The following SEC24B variants were observed in gnomAD, a reference collection of about 807,000 sequenced individuals.
SEC24B encodes the protein protein transport protein Sec24B.
SEC24B carries 45 observed loss-of-function variants against 142.8 expected under a neutral mutation model. That is an observed-to-expected ratio of 0.32 (90% confidence interval 0.25 to 0.40). The LOEUF is 0.40. SEC24B is among the 10% of genes least tolerant of loss of function. The probability of loss-of-function intolerance (pLI) is 1.00; values close to 1 mark genes in which losing one functional copy is unlikely to be tolerated. For synonymous variants in SEC24B, 574 were observed against 568.2 expected (o/e 1.01, Z -0.15); for missense variants, 1,409 against 1,526.8 (o/e 0.92, Z 1.29).
chr4:109,521,106 T>C lies in SEC24B; in HGVS notation c.2246-11T>C, dbSNP rs1213032660. On this transcript the variant is annotated splice_polypyrimidine_tract_variant and intron_variant, in intron 12 of 23. Coordinates refer to ENST00000265175, the MANE Select transcript of SEC24B (RefSeq NM_006323.5). ...TCGATTTGTTGATTAAAATATGTGT[T>C]TTCCCTATAGATGTTTTTCTACCTA... is the stretch of plus-strand genomic sequence containing the variant. The C allele has an allele frequency of 2.7e-6, 4 of 1,475,432 alleles. No homozygotes were observed. In the South Asian group the frequency reaches 4.7e-5, roughly 17 times the overall value. 91.4% of individuals were successfully genotyped at this position (1,475,432 alleles called of 1,614,324 possible). A position where few individuals can be genotyped will look rare whatever the true frequency, so the allele number is the denominator to read the frequency against.
intron 11 of SEC24B, among the ~76,000 whole-genome samples, chr4:109,519,180 C>A (rs917536624): frequency 6.6e-6 from 1 of 152,102 alleles, no homozygotes; most frequent in African/African-American, 2.4e-5. Flanking sequence ...CAGGTTGATG[C>A]ATGGAGTGGA....
chr4:109,539,785 A>G lies in SEC24B; in HGVS notation c.*110A>G. On this transcript the variant is annotated 3_prime_UTR_variant, in exon 24 of 24. Coordinates refer to ENST00000265175, the MANE Select transcript of SEC24B (RefSeq NM_006323.5). ...AAGGCATTTGTTAATACAAGATGCA[A>G]CGCACAGCACTCTGTCTGAGGCTTT... The G allele has an allele frequency of 1.5e-6, 1 of 676,286 alleles. No individual in the cohort carries two copies. Among genetic ancestry groups the G allele is most frequent in the South Asian group, 1.8e-5 (1 of 55,080 alleles). 41.9% of individuals were successfully genotyped at this position (676,286 alleles called of 1,614,324 possible).
At chr4:109,537,700 C>A (rs550834110) in intron 22 of SEC24B, among the ~76,000 whole-genome samples, 1 of 152,208 alleles carries the variant, frequency 6.6e-6, no homozygotes, top group African/African-American at 2.4e-5. Flanking sequence ...GAATAATATG[C>A]ATGATATGAT....
At chr4:109,507,896 C>T (rs542793204) in intron 7 of SEC24B, among the ~76,000 whole-genome samples, 7 of 152,218 alleles carry the variant, frequency 4.6e-5, no homozygotes, top group South Asian at 2.1e-4. Flanking sequence ...CCGCCCACCT[C>T]GTCCTCCCAA....
chr4:109,506,711 C>T (rs577939516), intron 7 of SEC24B, among the ~76,000 whole-genome samples, 199 bp downstream of exon 7: 1 of 152,176 alleles, frequency 6.6e-6, no homozygotes, highest in South Asian at 2.1e-4. Flanking sequence ...CAGTCCCTTC[C>T]CCCCATCACC....
At chr4:109,452,019 T>C (rs534674658) in intron 1 of SEC24B, among the ~76,000 whole-genome samples, 1 of 152,096 alleles carries the variant, frequency 6.6e-6, no homozygotes, top group East Asian at 1.9e-4. Context: ...GATAAACATA[T>C]GTAATCATGT....
In SEC24B at chr4:109,506,466, G is replaced by A. The variant is rs1421613855; in HGVS notation, c.1627G>A (p.Val543Ile). 5 of 1,602,234 alleles carry A rather than the reference G, an allele frequency of 3.1e-6. No homozygotes were observed. The highest frequency in any genetic ancestry group is 1.7e-4 in the Middle Eastern group (1 of 5,970). ...ACCTATGACTCCTGTTTGGGCTCCT[G>A]TACCTAACTTGAATGCAGACCTCAA... ...ILPMTPVWAP[V>I]PNLNADLKKL... The change falls in exon 7 of 24, where the codon GTA becomes ATA. Residue 543 changes from valine to isoleucine, a missense_variant. Coordinates refer to ENST00000265175, the MANE Select transcript of SEC24B (RefSeq NM_006323.5).
chr4:109,522,613 A>G (rs1315970153), intron 14 of SEC24B, among the ~76,000 whole-genome samples: 1 of 152,246 alleles, frequency 6.6e-6, no homozygotes, highest in African/African-American at 2.4e-5. Context: ...CATACTAATA[A>G]ACTTTTTAAT....
At chr4:109,436,064 G>GAA (rs1337682388) in intron 1 of SEC24B, among the ~76,000 whole-genome samples, 9 of 152,146 alleles carry the variant, frequency 5.9e-5, no homozygotes, top group Non-Finnish European at 1.2e-4. Context: ...TCAGGTTGCA[G>GAA]AAAGGCCTTA....
At chr4:109,478,938 G>A (rs1239677555) in intron 3 of SEC24B, among the ~76,000 whole-genome samples, 2 of 152,118 alleles carry the variant, frequency 1.3e-5, no homozygotes, top group African/African-American at 4.8e-5. Flanking sequence ...CTAGTTTCCA[G>A]TTTAGGAAAG....
intron 1 of SEC24B, among the ~76,000 whole-genome samples, chr4:109,449,880 C>CTG (rs2125905966): frequency 6.6e-6 from 1 of 152,184 alleles, no homozygotes; most frequent in East Asian, 1.9e-4. Context: ...TTTTCATGGT[C>CTG]TGTTTATTAG....
At chr4:109,526,626 T>G (rs955599590) in intron 17 of SEC24B, among the ~76,000 whole-genome samples, 73 of 152,340 alleles carry the variant, frequency 4.8e-4, no homozygotes, top group African/African-American at 1.7e-3. Context: ...TCTTAGAATC[T>G]TGTTTCAAAA....
At chr4:109,464,728 A>G (rs978992327) in intron 2 of SEC24B, among the ~76,000 whole-genome samples, 2 of 152,206 alleles carry the variant, frequency 1.3e-5, no homozygotes, top group Non-Finnish European at 2.9e-5. Context: ...GATGCTGTGG[A>G]AAGATATCCT....
intron 1 of SEC24B, among the ~76,000 whole-genome samples, chr4:109,450,129 C>A (rs35313553): frequency 0.078 from 11,824 of 152,198 alleles, 589 homozygotes; most frequent in Middle Eastern, 0.18. Context: ...GGGAGGTTCA[C>A]TTGAGCCCAG....
chr4:109,451,925 T>C (rs1231296300), intron 1 of SEC24B, among the ~76,000 whole-genome samples: 4 of 152,230 alleles, frequency 2.6e-5, no homozygotes, highest in Non-Finnish European at 4.4e-5. Context: ...CTAGGTTTTC[T>C]TGATATCCTG....
At chr4:109,494,178 A>C (rs995974247) in intron 5 of SEC24B, among the ~76,000 whole-genome samples, 1 of 151,968 alleles carries the variant, frequency 6.6e-6, no homozygotes, top group Non-Finnish European at 1.5e-5. Context: ...AGAATTACCA[A>C]CTCAAGGGGC....
intron 8 of SEC24B, among the ~76,000 whole-genome samples, chr4:109,510,368 G>T (rs1477507029): frequency 6.6e-6 from 1 of 152,160 alleles, no homozygotes; most frequent in African/African-American, 2.4e-5. Flanking sequence ...GAACAAAGAT[G>T]TAAAAATAAT....
chr4:109,446,844 A>G lies in SEC24B; in HGVS notation c.133+12842A>G, dbSNP rs140888554. 3.0e-4 allele frequency among the ~76,000 whole-genome samples: 45 copies of G among 152,358 alleles called. No homozygotes were observed. The East Asian group carries it at 8.3e-3, about 28-fold the overall frequency. Reference sequence around the variant, plus strand: ...CAGAAATACTTGATGATTATTTACTAGGCTTCATTTTATAAAAATACAGTA... The same window carrying G: ...CAGAAATACTTGATGATTATTTACTGGGCTTCATTTTATAAAAATACAGTA... On this transcript the variant is annotated intron_variant, in intron 1 of 23. Coordinates refer to ENST00000265175, the MANE Select transcript of SEC24B (RefSeq NM_006323.5).
At chr4:109,503,216 C>A (rs1240652763) in intron 6 of SEC24B, among the ~76,000 whole-genome samples, 1 of 150,876 alleles carries the variant, frequency 6.6e-6, no homozygotes, top group Admixed American at 6.6e-5. Context: ...TGTGCCACTA[C>A]GCCTGGCTAA....
Sources: allele counts gnomAD v4.1 joint callset (sites outside exome capture counted in the v4.1 genomes callset), GRCh38; gene constraint gnomAD v4.1.1; transcripts MANE v1.5; gene names NCBI Gene and HGNC (gene_info 2026-07-23, HGNC 2026-07-21).